Variants in KIF26B observed in about 807,000 individuals in gnomAD.
The protein encoded by KIF26B is kinesin-like protein KIF26B.
In KIF26B, 63 loss-of-function variants were observed where a neutral mutation model predicts 151.2. The observed-to-expected ratio is 0.42, with a 90% confidence interval of 0.34 to 0.51. KIF26B has a LOEUF of 0.51. Ranked by LOEUF, KIF26B falls within the 20% of genes least tolerant of loss-of-function variation. The pLI is 0.07. For missense variants in KIF26B, 2,813 were observed against 2,913.6 expected (o/e 0.97, Z 0.79); for synonymous variants, 1,357 against 1,262.1 (o/e 1.08, Z -1.59).
chr1:245,593,078 A>C lies in KIF26B; in HGVS notation c.1351-9499A>C, dbSNP rs550999976. The stretch of plus-strand genomic sequence containing the variant: ...GTCTTTCAGTCATATGGAATCAAAA[A>C]GATCTTCCTTTGGAAGAAGCAATTT... On this transcript the variant is annotated intron_variant, in intron 5 of 14. Transcript: ENST00000407071. Among the ~76,000 whole-genome samples the C allele has an allele frequency of 1.1e-4, 17 of 152,342 alleles. 1 individual carries two copies. Among genetic ancestry groups the C allele is most frequent in the African/African-American group, 3.6e-4 (15 of 41,584 alleles).
chr1:245,320,633 C>T (rs993292393), intron 2 of KIF26B, among the ~76,000 whole-genome samples: 4 of 152,056 alleles, frequency 2.6e-5, no homozygotes, highest in Non-Finnish European at 4.4e-5. Flanking sequence ...AGTGCAGTGG[C>T]GGTCAATCTA....
chr1:245,156,749 A>C, intron 2 of KIF26B, 66 bp downstream of exon 2: 1 of 1,078,156 alleles, frequency 9.3e-7, no homozygotes, highest in Non-Finnish European at 1.2e-6. Flanking sequence ...CACCCACAGC[A>C]GCTGCTCAGC....
intron 2 of KIF26B, among the ~76,000 whole-genome samples, chr1:245,250,122 C>T (rs10924134): frequency 0.36 from 54,716 of 151,890 alleles, 10,433 homozygotes; most frequent in East Asian, 0.54. Context: ...TTAATAGAAA[C>T]ATTATTGTCG....
chr1:245,258,717 A>G (rs905443447), intron 2 of KIF26B, among the ~76,000 whole-genome samples: 3 of 152,032 alleles, frequency 2.0e-5, no homozygotes, highest in Non-Finnish European at 4.4e-5. Context: ...AAGGATAACC[A>G]TAGCAAGGCA....
At chr1:245,286,123 G>T (rs1355509588) in intron 2 of KIF26B, among the ~76,000 whole-genome samples, 1 of 152,098 alleles carries the variant, frequency 6.6e-6, no homozygotes, top group Admixed American at 6.6e-5. Context: ...CTGAGAACAG[G>T]AGTTCCTGTG....
intron 6 of KIF26B, among the ~76,000 whole-genome samples, chr1:245,605,883 T>C (rs2043447686): frequency 6.6e-6 from 1 of 152,168 alleles, no homozygotes; most frequent in Non-Finnish European, 1.5e-5. Flanking sequence ...TGACTCAGTG[T>C]GGTCCACACA....
intron 2 of KIF26B, among the ~76,000 whole-genome samples, chr1:245,320,882 C>T (rs1326383725): frequency 3.9e-5 from 6 of 152,034 alleles, no homozygotes; most frequent in African/African-American, 1.2e-4. Flanking sequence ...TTCATTGTAT[C>T]GGTCAGGCTG....
At chr1:245,663,824 A>G (rs1343844163) in intron 10 of KIF26B, among the ~76,000 whole-genome samples, 2 of 152,172 alleles carry the variant, frequency 1.3e-5, no homozygotes, top group African/African-American at 2.4e-5. Context: ...CATGTCTTGA[A>G]TACCTACAAG....
chr1:245,156,483 TCCC>T lies in KIF26B; in HGVS notation c.268_270del (p.Pro90del). On this transcript the variant is annotated inframe_deletion, in exon 2 of 15. Coordinates refer to ENST00000407071, the MANE Select transcript of KIF26B (RefSeq NM_018012.4). The stretch of plus-strand genomic sequence containing the variant: ...GTTCACCGGCTCCCCGGGACCCGCC[TCCC>T]CCGGCATCGGCACTAGTTCGCCGGG... The T allele has an allele frequency of 6.6e-7, 1 of 1,523,576 alleles. No homozygotes were observed. The highest frequency in any genetic ancestry group is 2.5e-5 in the East Asian group (1 of 39,642). The allele number at this position is 1,523,576 out of a possible 1,614,324, so 94.4% of individuals were successfully genotyped here.
intron 5 of KIF26B, among the ~76,000 whole-genome samples, chr1:245,573,083 C>T (rs906164679): frequency 4.6e-5 from 7 of 152,144 alleles, no homozygotes; most frequent in African/African-American, 1.7e-4. Flanking sequence ...AGAGAAATCC[C>T]AAGAAAACAG....
chr1:245,370,314 G>A (rs768919133), intron 3 of KIF26B, among the ~76,000 whole-genome samples: 2 of 151,786 alleles, frequency 1.3e-5, no homozygotes, highest in African/African-American at 4.8e-5. Context: ...TATTTTCCAC[G>A]CTATGGAGAT....
chr1:245,439,325 C>T (rs112779485), intron 4 of KIF26B, among the ~76,000 whole-genome samples: 2 of 98,470 alleles, frequency 2.0e-5, no homozygotes, highest in African/African-American at 7.9e-5. Context: ...CGAGCCTGGG[C>T]AAAGGAACAA....
chr1:245,300,591 C>A (rs1020674879), intron 2 of KIF26B, among the ~76,000 whole-genome samples: 1 of 151,272 alleles, frequency 6.6e-6, no homozygotes, highest in African/African-American at 2.4e-5. Context: ...TACGGTGGCA[C>A]GATCTTGGCT....
intron 4 of KIF26B, among the ~76,000 whole-genome samples, chr1:245,433,900 G>A (rs536446681): frequency 6.6e-6 from 1 of 152,090 alleles, no homozygotes; most frequent in South Asian, 2.1e-4. Context: ...GGAAAGAAAG[G>A]GCCTTGGCAG....
In KIF26B at chr1:245,688,107, G is replaced by A. The variant is rs775432887; in HGVS notation, c.5124G>A (p.Arg1708=). Residue 1708 remains arginine, a synonymous_variant, in exon 12 of 15, where the codon AGG becomes AGA. Transcript: ENST00000407071. ...ACGGCACCATGCCCCGCGCGGGGAG[G>A]AGCCTGGGCCGCAGCGCCGGGACCT... is the stretch of plus-strand genomic sequence containing the variant. The part of the protein sequence containing the change: ...GKDGTMPRAG[R]SLGRSAGTSP... 6.4e-7 allele frequency: 1 copy of A among 1,558,388 alleles called. No individual in the cohort carries two copies.
chr1:245,206,123 C>T (rs1249295894), intron 2 of KIF26B, among the ~76,000 whole-genome samples: 1 of 152,110 alleles, frequency 6.6e-6, no homozygotes, highest in East Asian at 1.9e-4. Context: ...TTGACTCATA[C>T]CTTGGGTTCT....
chr1:245,639,064 T>C (rs1397813978), intron 9 of KIF26B, among the ~76,000 whole-genome samples: 1 of 151,974 alleles, frequency 6.6e-6, no homozygotes, highest in Non-Finnish European at 1.5e-5. Context: ...AGTTATTCTT[T>C]AAATGTTTGG....
chr1:245,566,764 C>G (rs762729857), intron 5 of KIF26B, among the ~76,000 whole-genome samples: 6 of 152,122 alleles, frequency 3.9e-5, no homozygotes, highest in Non-Finnish European at 8.8e-5. Context: ...CCCATCTCTA[C>G]TAAAATACAA....
At chr1:245,701,825 C>T (rs1397347575) in intron 14 of KIF26B, among the ~76,000 whole-genome samples, 2 of 152,166 alleles carry the variant, frequency 1.3e-5, no homozygotes, top group Admixed American at 6.5e-5. Context: ...CTCTCCTCCT[C>T]GTACTGGGAG....
Sources: allele counts gnomAD v4.1 joint callset (sites outside exome capture counted in the v4.1 genomes callset), GRCh38; gene constraint gnomAD v4.1.1; transcripts MANE v1.5; gene names NCBI Gene and HGNC (gene_info 2026-07-23, HGNC 2026-07-21).